Variants in SRRM3 observed in about 807,000 individuals in gnomAD.
The protein encoded by SRRM3 is serine/arginine repetitive matrix protein 3.
SRRM3 carries 27 observed loss-of-function variants against 66.2 expected under a neutral mutation model. The observed-to-expected ratio is 0.41, with a 90% CI of 0.30 to 0.56. SRRM3 has a LOEUF of 0.56. SRRM3 is among the 20% of genes least tolerant of loss of function. The pLI is 0.32. For missense variants in SRRM3, 918 were observed against 991.9 expected, an observed-to-expected ratio of 0.93 and a Z score of 1.00; for synonymous variants, 391 against 414.9, an observed-to-expected ratio of 0.94 and a Z score of 0.70.
intron 1 of SRRM3, among the ~76,000 whole-genome samples, chr7:76,231,638 A>C (rs1801019112): frequency 6.6e-6 from 1 of 152,264 alleles, no homozygotes; most frequent in Non-Finnish European, 1.5e-5. Context: ...CTAACGAGCC[A>C]GAATGAAAGG....
In SRRM3 at chr7:76,283,106, G is replaced by A. The variant is rs560483516; in HGVS notation, c.1733+5G>A. 1.4e-6 allele frequency: 2 copies of A among 1,440,342 alleles called. No individual in the cohort carries two copies. The highest frequency in any genetic ancestry group is 2.7e-5 in the East Asian group (1 of 37,548). 89.2% of individuals were successfully genotyped at this position (1,440,342 alleles called of 1,614,324 possible). ...GGAGCCGCGGCGCATCACCAGGTAT[G>A]GAGGGTCTTGGGGGGGCCGGTGGCG... On this transcript the variant is annotated splice_donor_5th_base_variant and intron_variant, in intron 14 of 14. Transcript: ENST00000611745.
Position 76,282,812 on chromosome 7 carries a change from C to G in SRRM3, c.1535C>G (p.Ser512Cys). ...SRSPSKSRSR[S>C]AEKRPHSPSR... ...TCGCCCTCCAAATCTCGCTCGCGCT[C>G]TGCGGAGAAGCGGCCCCACAGCCCC... The change falls in exon 13 of 15, where the codon TCT becomes TGT. Residue 512 changes from serine to cysteine, a missense_variant. Physicochemically the swap from Ser to Cys is moderately radical, Grantham distance 112. Coordinates refer to ENST00000611745, the MANE Select transcript of SRRM3 (RefSeq NM_001110199.3). 1 of 1,465,334 alleles carries G rather than the reference C, an allele frequency of 6.8e-7. No homozygotes were observed. The highest frequency in any genetic ancestry group is 9.0e-7 in the Non-Finnish European group (1 of 1,114,522). The allele number at this position is 1,465,334 out of a possible 1,614,324, so 90.8% of individuals were successfully genotyped here. A position where few individuals can be genotyped will look rare whatever the true frequency, so the allele number is the denominator to read the frequency against.
chr7:76,236,005 C>CAAAAAA lies in SRRM3; in HGVS notation c.233+726_233+731dup, dbSNP rs1161706465. Among the ~76,000 whole-genome samples, 20 of 20,274 alleles carry CAAAAAA rather than the reference C, an allele frequency of 9.9e-4. 1 individual carries two copies. Among genetic ancestry groups the CAAAAAA allele is most frequent in the African/African-American group, 3.1e-3 (19 of 6,224 alleles). 13.3% of individuals were successfully genotyped at this position (20,274 alleles called of 152,430 possible). ...TGGGCAACAGATCGAGATTCTGTCTCAAAAAAAAAAAAAAAAAAAAAAAAA... is the reference window on the plus strand; with the variant it reads ...TGGGCAACAGATCGAGATTCTGTCTCAAAAAAAAAAAAAAAAAAAAAAAAAAAAAAA... On this transcript the variant is annotated intron_variant, in intron 2 of 14. Transcript: ENST00000611745.
At chr7:76,256,256 C>T (rs929354308) in intron 3 of SRRM3, among the ~76,000 whole-genome samples, 1 of 152,160 alleles carries the variant, frequency 6.6e-6, no homozygotes, top group South Asian at 2.1e-4. Flanking sequence ...TCTGTAATCC[C>T]AGCACTTTGG....
intron 1 of SRRM3, among the ~76,000 whole-genome samples, chr7:76,215,630 T>G (rs1433874297): frequency 1.4e-5 from 2 of 146,272 alleles, no homozygotes; most frequent in East Asian, 3.9e-4. Flanking sequence ...GTCTGGTTTT[T>G]TTTTTTTTTT....
At chr7:76,231,785 T>C (rs1208966483) in intron 1 of SRRM3, among the ~76,000 whole-genome samples, 1 of 152,200 alleles carries the variant, frequency 6.6e-6, no homozygotes, top group Non-Finnish European at 1.5e-5. Flanking sequence ...GAATGACTCA[T>C]CCTTCCTGGA....
chr7:76,222,410 CA>C (rs572163883), intron 1 of SRRM3, among the ~76,000 whole-genome samples: 30,804 of 84,448 alleles, frequency 0.36, 3,315 homozygotes, highest in South Asian at 0.42. Flanking sequence ...GACCCCGTCT[CA>C]AAAAAAAAAA....
chr7:76,223,654 T>C (rs1800777345), intron 1 of SRRM3, among the ~76,000 whole-genome samples: 2 of 152,122 alleles, frequency 1.3e-5, no homozygotes, highest in African/African-American at 4.8e-5. Context: ...AGGAGGCACA[T>C]CCTTGCCCAC....
At chr7:76,247,668 G>T (rs961624824) in intron 2 of SRRM3, among the ~76,000 whole-genome samples, 6 of 152,082 alleles carry the variant, frequency 3.9e-5, no homozygotes, top group Admixed American at 6.6e-5. Flanking sequence ...TATTTGGTTG[G>T]TTGATTGGGC....
At chr7:76,224,386 A>G (rs1057392577) in intron 1 of SRRM3, among the ~76,000 whole-genome samples, 6 of 150,330 alleles carry the variant, frequency 4.0e-5, no homozygotes, top group African/African-American at 1.5e-4. Context: ...GGCCAAAGAC[A>G]CATCTTTCAA....
intron 3 of SRRM3, among the ~76,000 whole-genome samples, chr7:76,250,990 G>C (rs573669339): frequency 6.6e-6 from 1 of 152,126 alleles, no homozygotes; most frequent in Non-Finnish European, 1.5e-5. Flanking sequence ...TGGACTCCCC[G>C]CCCTCCTCCC....
chr7:76,253,214 C>T (rs1801623840), intron 3 of SRRM3, among the ~76,000 whole-genome samples: 1 of 151,530 alleles, frequency 6.6e-6, no homozygotes, highest in East Asian at 2.0e-4. Context: ...TGGCCGGGCA[C>T]AGTGGCTCAC....
chr7:76,212,904 A>G (rs1800468821), intron 1 of SRRM3, among the ~76,000 whole-genome samples: 1 of 151,414 alleles, frequency 6.6e-6, no homozygotes, highest in Admixed American at 6.6e-5. Flanking sequence ...CCTGAGCTTC[A>G]GGCTCTGCTC....
chr7:76,266,331 AAT>A (rs1241968452), intron 10 of SRRM3, among the ~76,000 whole-genome samples: 22 of 116,756 alleles, frequency 1.9e-4, no homozygotes, highest in African/African-American at 6.8e-4. Context: ...TATAAATATT[AAT>A]ATATATTTCA....
intron 11 of SRRM3, among the ~76,000 whole-genome samples, chr7:76,278,851 C>T (rs1313250756): frequency 6.6e-6 from 1 of 152,198 alleles, no homozygotes; most frequent in Admixed American, 6.5e-5. Context: ...CAGCACCTTG[C>T]CCTCTGTAGG....
intron 1 of SRRM3, among the ~76,000 whole-genome samples, chr7:76,221,642 G>A (rs1341304979): frequency 2.6e-5 from 4 of 152,228 alleles, no homozygotes; most frequent in East Asian, 1.9e-4. Context: ...GATTACAGGC[G>A]TGAGCCACCG....
rs565743865 is a variant in SRRM3, at chr7:76,274,444, C to T, written c.1009-6997C>T. Among the ~76,000 whole-genome samples the T allele has an allele frequency of 9.2e-5, 14 of 152,314 alleles. No homozygotes were observed. The South Asian group carries it at 1.0e-3, about 11-fold the overall frequency. On this transcript the variant is annotated intron_variant, in intron 11 of 14. Transcript: ENST00000611745. ...AGCTGGCCAGGAGCAGGTTTGAGAC[C>T]TAGAAGGCCTACTTAGCAAAGTCTC...
Position 76,281,702 on chromosome 7 carries a change from A to G in SRRM3, c.1270A>G (p.Ser424Gly), listed in dbSNP as rs1314419174. The change falls in exon 12 of 15, where the codon AGC (serine) becomes GGC (glycine). Residue 424 changes from serine to glycine, a missense_variant. Coordinates refer to ENST00000611745, the MANE Select transcript of SRRM3 (RefSeq NM_001110199.3). Reference sequence around the variant, plus strand: ...CCCCCGGGGCTCGTCGCGCTCGCTCAGCAGGGCCCGCTCCAGCAGCGACTC... The same window carrying G: ...CCCCCGGGGCTCGTCGCGCTCGCTCGGCAGGGCCCGCTCCAGCAGCGACTC... ...APPRGSSRSL[S>G]RARSSSDSGS... 1.8e-6 allele frequency: 2 copies of G among 1,135,434 alleles called. No individual in the cohort carries two copies. The highest frequency in any genetic ancestry group is 2.2e-6 in the Non-Finnish European group (2 of 924,054). 70.3% of individuals were successfully genotyped at this position (1,135,434 alleles called of 1,614,324 possible). A position where few individuals can be genotyped will look rare whatever the true frequency, so the allele number is the denominator to read the frequency against.
At chr7:76,256,114 C>T (rs957750731) in intron 3 of SRRM3, among the ~76,000 whole-genome samples, 3 of 152,200 alleles carry the variant, frequency 2.0e-5, no homozygotes, top group South Asian at 4.2e-4. Flanking sequence ...TGATCTAAAC[C>T]CCAAGAGAGG....
Sources: allele counts gnomAD v4.1 joint callset (sites outside exome capture counted in the v4.1 genomes callset), GRCh38; gene constraint gnomAD v4.1.1; transcripts MANE v1.5; gene names NCBI Gene and HGNC (gene_info 2026-07-23, HGNC 2026-07-21).